The following SYNE2 variants were observed in gnomAD, a reference collection of about 807,000 sequenced individuals.
SYNE2 encodes the protein spectrin repeat containing nuclear envelope protein 2.
Under a neutral mutation model 856.3 loss-of-function variants are expected in SYNE2, and 431 were observed. The ratio of observed to expected loss-of-function variants is 0.50; its 90% CI spans 0.47 to 0.55. The LOEUF (loss-of-function observed/expected upper bound fraction) is 0.55. Ranked by LOEUF, SYNE2 falls within the 20% of genes least tolerant of loss-of-function variation. SYNE2 has a pLI of 0.00. For missense variants in SYNE2, 8,129 were observed against 8,023.2 expected (o/e 1.01, Z -0.50); for synonymous variants, 2,923 against 2,872.3 (o/e 1.02, Z -0.56).
At chr14:64,119,632 C>T in intron 67 of SYNE2, 23 bp downstream of exon 67, 3 of 1,612,500 alleles carry the variant, frequency 1.9e-6, no homozygotes, top group Non-Finnish European at 1.7e-6. Flanking sequence ...TATCTATGGA[C>T]ATTCATCTTG....
Position 63,899,320 on chromosome 14 carries a change from A to T in SYNE2, c.-51-9778A>T, listed in dbSNP as rs1362003225. On this transcript the variant is annotated intron_variant, in intron 1 of 115. Transcript: ENST00000555002. ...GGGTTCAAGCAATTCTTCTGTCTCA[A>T]CCTCCCAAGTAGCTGGGACTATAGG... is the stretch of plus-strand genomic sequence containing the variant. Among the ~76,000 whole-genome samples the T allele has an allele frequency of 6.6e-5, 10 of 151,460 alleles. No homozygotes were observed. In the South Asian group the frequency reaches 1.9e-3, roughly 28 times the overall value.
intron 52 of SYNE2, among the ~76,000 whole-genome samples, chr14:64,071,254 G>A (rs1423564287): frequency 2.6e-5 from 4 of 152,082 alleles, no homozygotes; most frequent in Non-Finnish European, 4.4e-5. Flanking sequence ...CAGCACTTTG[G>A]GAGGCTGAGG....
intron 63 of SYNE2, 148 bp from the exon 64 acceptor site, chr14:64,101,784 T>C (rs2097731877): frequency 3.0e-6 from 2 of 661,648 alleles, no homozygotes; most frequent in African/African-American, 1.8e-5. Flanking sequence ...AAAATACAGA[T>C]AAAAAAATGG....
rs1370261382 is a variant in SYNE2, at chr14:64,097,947, A to C, written c.12109-2A>C. The C allele has an allele frequency of 6.2e-7, 1 of 1,614,238 alleles. No individual in the cohort carries two copies. Among genetic ancestry groups the C allele is most frequent in the Non-Finnish European group, 8.5e-7 (1 of 1,180,040 alleles). On this transcript the variant is annotated splice_acceptor_variant, in intron 61 of 115. Coordinates refer to ENST00000555002, the MANE Select transcript of SYNE2 (RefSeq NM_182914.3). LOFTEE classifies it high-confidence loss of function. Reference sequence around the variant, plus strand: ...ACCTATGCAAACACTCTTTCTACACAGGGAGAAATCGAACGTATGGAGAAA... The same window carrying C: ...ACCTATGCAAACACTCTTTCTACACCGGGAGAAATCGAACGTATGGAGAAA...
At chr14:63,918,255 G>A (rs946615873) in intron 2 of SYNE2, among the ~76,000 whole-genome samples, 3 of 152,184 alleles carry the variant, frequency 2.0e-5, no homozygotes, top group Non-Finnish European at 4.4e-5. Context: ...TGGATTTAGT[G>A]TATGGTTTAA....
intron 100 of SYNE2, among the ~76,000 whole-genome samples, chr14:64,205,916 T>C (rs2098602989): frequency 6.6e-6 from 1 of 152,146 alleles, no homozygotes; most frequent in African/African-American, 2.4e-5. Context: ...CGTGGGCCAG[T>C]TGAGCTTCAC....
rs1436121614 is a variant in SYNE2, at chr14:64,161,565, C to T, written c.16095-507C>T. 4.6e-5 allele frequency among the ~76,000 whole-genome samples: 7 copies of T among 151,960 alleles called. No homozygotes were observed. In the East Asian group the frequency reaches 7.7e-4, roughly 17 times the overall value. ...GAGTCATTTTATCAGGCATACAGTT[C>T]AGTGTTTTCTCCATCTTTGCCAAAG... On this transcript the variant is annotated intron_variant, in intron 87 of 115. Coordinates refer to ENST00000555002, the MANE Select transcript of SYNE2 (RefSeq NM_182914.3).
At chr14:63,881,267 C>T (rs1216986072) in intron 1 of SYNE2, among the ~76,000 whole-genome samples, 1 of 152,020 alleles carries the variant, frequency 6.6e-6, no homozygotes, top group Non-Finnish European at 1.5e-5. Flanking sequence ...GTGTGAGCCA[C>T]CATACCCAGC....
intron 1 of SYNE2, among the ~76,000 whole-genome samples, chr14:63,786,104 G>T (rs569773994): frequency 6.6e-6 from 1 of 152,240 alleles, no homozygotes; most frequent in South Asian, 2.1e-4. Context: ...AAAAAAAATA[G>T]CTGGGCATGG....
chr14:63,856,509 C>T (rs890078983), intron 1 of SYNE2, among the ~76,000 whole-genome samples: 2 of 152,166 alleles, frequency 1.3e-5, no homozygotes, highest in Middle Eastern at 3.2e-3. Context: ...CTAGTTCTGC[C>T]TGGGAGTGGG....
chr14:63,902,241 T>C (rs1309638470), intron 1 of SYNE2, among the ~76,000 whole-genome samples: 1 of 151,596 alleles, frequency 6.6e-6, no homozygotes, highest in African/African-American at 2.4e-5. Context: ...CAAAACTCCA[T>C]CTCTACTAAA....
chr14:64,117,920 A>G (rs1255210150), intron 66 of SYNE2, among the ~76,000 whole-genome samples: 1 of 152,182 alleles, frequency 6.6e-6, no homozygotes, highest in African/African-American at 2.4e-5. Context: ...CACGCTACTC[A>G]GGTGGTGCAA....
chr14:63,978,768 C>T, intron 13 of SYNE2, 84 bp from the exon 14 acceptor site: 1 of 1,202,398 alleles, frequency 8.3e-7, no homozygotes. Flanking sequence ...GTTAAAGCCT[C>T]AATATTTTTT....
Position 64,052,626 on chromosome 14 carries a change from C to T in SYNE2, c.8713C>T (p.Leu2905=). The T allele has an allele frequency of 6.2e-7, 1 of 1,613,974 alleles. No individual in the cohort carries two copies. The highest frequency in any genetic ancestry group is 1.3e-5 in the African/African-American group (1 of 75,000). ...GGAGCTAACAAACATCTATGAGGAG[C>T]TGAATGTGTTTGAAAGATTATTTCT... ...LQELTNIYEE[L]NVFERLFLED... Residue 2905 remains leucine (L), a synonymous_variant, in exon 48 of 116, where the codon CTG becomes TTG. Coordinates refer to ENST00000555002, the MANE Select transcript of SYNE2 (RefSeq NM_182914.3).
chr14:63,896,470 G>C (rs1226811616), intron 1 of SYNE2, among the ~76,000 whole-genome samples: 1 of 152,212 alleles, frequency 6.6e-6, no homozygotes, highest in Non-Finnish European at 1.5e-5. Flanking sequence ...GGTGGACTCT[G>C]TTTCAGGCAT....
At chr14:63,882,088 G>A (rs1305626807) in intron 1 of SYNE2, among the ~76,000 whole-genome samples, 3 of 152,126 alleles carry the variant, frequency 2.0e-5, no homozygotes, top group Non-Finnish European at 4.4e-5. Flanking sequence ...AGGTGGAGCC[G>A]TAGATCCTTG....
At chr14:63,939,075 C>T (rs956513778) in intron 2 of SYNE2, among the ~76,000 whole-genome samples, 2 of 152,132 alleles carry the variant, frequency 1.3e-5, no homozygotes, top group African/African-American at 2.4e-5. Context: ...GTGGCAAGGC[C>T]GTAAGCATTG....
intron 39 of SYNE2, 132 bp from the exon 40 acceptor site, chr14:64,024,780 A>G: frequency 1.0e-6 from 1 of 1,001,980 alleles, no homozygotes; most frequent in Non-Finnish European, 1.5e-6. Context: ...TATATTACAA[A>G]TTAAATTCTC....
chr14:63,994,226 G>A (rs1294381600), intron 22 of SYNE2, among the ~76,000 whole-genome samples: 1 of 152,116 alleles, frequency 6.6e-6, no homozygotes, highest in Non-Finnish European at 1.5e-5. Context: ...GATAAAAATG[G>A]GGTAACACCA....
Sources: allele counts gnomAD v4.1 joint callset (sites outside exome capture counted in the v4.1 genomes callset), GRCh38; gene constraint gnomAD v4.1.1; transcripts MANE v1.5; gene names NCBI Gene and HGNC (gene_info 2026-07-23, HGNC 2026-07-21).